The following RBFOX1 variants were observed in gnomAD, a reference collection of about 807,000 sequenced individuals.
RBFOX1 encodes RNA binding protein fox-1 homolog 1.
In RBFOX1, 8 loss-of-function variants were observed where a neutral mutation model predicts 57.7. The ratio of observed to expected loss-of-function variants is 0.14; its 90% confidence interval spans 0.08 to 0.25. The LOEUF is 0.25. Among genes scored for constraint, RBFOX1 ranks in the 10% least tolerant of loss-of-function variants. The pLI is 1.00. For missense variants in RBFOX1, 611 were observed against 548.5 expected (o/e 1.11, Z -1.14); for synonymous variants, 326 against 222.4 (o/e 1.47, Z -4.15).
At chr16:6,118,881 C>G (rs892798072) in intron 1 of RBFOX1, among the ~76,000 whole-genome samples, 2 of 151,902 alleles carry the variant, frequency 1.3e-5, no homozygotes, top group Non-Finnish European at 2.9e-5. Flanking sequence ...GGCTCTTGTC[C>G]CATGACCTAA....
At chr16:7,689,978 G>T (rs1415182913) in intron 14 of RBFOX1, among the ~76,000 whole-genome samples, 1 of 152,042 alleles carries the variant, frequency 6.6e-6, no homozygotes. Flanking sequence ...AGGCAAGCAT[G>T]GTGGCCAAAC....
At chr16:6,761,973 T>A (rs1002705688) in intron 3 of RBFOX1, among the ~76,000 whole-genome samples, 2 of 152,144 alleles carry the variant, frequency 1.3e-5, no homozygotes, top group African/African-American at 4.8e-5. Context: ...AGCCCACTTA[T>A]GCCTGCCTTC....
chr16:5,902,236 A>C (rs1439407018), intron 4 of RBFOX1, among the ~76,000 whole-genome samples: 1 of 152,176 alleles, frequency 6.6e-6, no homozygotes, highest in Non-Finnish European at 1.5e-5. Context: ...CCCATTTTAT[A>C]GATGAGTAAA....
chr16:6,615,897 A>G (rs1201152179), intron 2 of RBFOX1, among the ~76,000 whole-genome samples: 2 of 152,166 alleles, frequency 1.3e-5, no homozygotes, highest in Non-Finnish European at 2.9e-5. Context: ...TGTGATACGC[A>G]TCTCCCCATC....
chr16:6,772,697 G>T (rs1185466168), intron 3 of RBFOX1, among the ~76,000 whole-genome samples: 1 of 150,306 alleles, frequency 6.7e-6, no homozygotes, highest in African/African-American at 2.5e-5. Flanking sequence ...GTATATGTGG[G>T]TGTGGGATGC....
chr16:6,062,872 T>G (rs1187636971), intron 1 of RBFOX1, among the ~76,000 whole-genome samples: 1 of 152,060 alleles, frequency 6.6e-6, no homozygotes, highest in Non-Finnish European at 1.5e-5. Context: ...GATGTTGTAG[T>G]CTTGAGTCTG....
intron 1 of RBFOX1, among the ~76,000 whole-genome samples, chr16:6,311,106 C>A (rs1437181615): frequency 3.3e-5 from 5 of 151,764 alleles, no homozygotes; most frequent in Admixed American, 3.3e-4. Context: ...ACCAGCCTGG[C>A]CGACATGGTG....
chr16:6,056,027 C>G (rs1393815349), intron 1 of RBFOX1, among the ~76,000 whole-genome samples: 2 of 152,128 alleles, frequency 1.3e-5, no homozygotes, highest in African/African-American at 2.4e-5. Context: ...TTTCTTTGCA[C>G]TCAATGAGGG....
chr16:7,157,205 C>T (rs931709834), intron 4 of RBFOX1, among the ~76,000 whole-genome samples: 1 of 152,202 alleles, frequency 6.6e-6, no homozygotes, highest in Non-Finnish European at 1.5e-5. Flanking sequence ...GCTGGAAAGC[C>T]TCTCCTTGTG....
intron 4 of RBFOX1, among the ~76,000 whole-genome samples, chr16:7,452,995 G>A (rs2057685173): frequency 6.6e-6 from 1 of 151,930 alleles, no homozygotes; most frequent in Non-Finnish European, 1.5e-5. Flanking sequence ...AGGGCATGGT[G>A]GTGCATGCCT....
intron 3 of RBFOX1, among the ~76,000 whole-genome samples, chr16:6,980,371 T>A (rs1392115818): frequency 2.6e-5 from 4 of 152,198 alleles, no homozygotes; most frequent in Admixed American, 6.5e-5. Flanking sequence ...TTTCTTTTGT[T>A]TTCTAATCTT....
intron 2 of RBFOX1, among the ~76,000 whole-genome samples, chr16:6,594,076 T>C (rs1391692256): frequency 5.3e-5 from 8 of 152,276 alleles, no homozygotes; most frequent in African/African-American, 1.4e-4. Flanking sequence ...CTTGAGTTCA[T>C]CTATATCCAC....
intron 4 of RBFOX1, among the ~76,000 whole-genome samples, chr16:7,353,598 T>C (rs2097165028): frequency 6.6e-6 from 1 of 152,196 alleles, no homozygotes; most frequent in Admixed American, 6.5e-5. Flanking sequence ...CACGAGATGA[T>C]ATAGCATACA....
intron 4 of RBFOX1, among the ~76,000 whole-genome samples, chr16:7,429,911 C>T (rs1485968724): frequency 1.3e-5 from 2 of 152,162 alleles, no homozygotes; most frequent in African/African-American, 2.4e-5. Context: ...AAACAAAATA[C>T]ACAAAAATCT....
intron 1 of RBFOX1, among the ~76,000 whole-genome samples, chr16:5,421,888 A>T (rs997671164): frequency 6.6e-6 from 1 of 152,182 alleles, no homozygotes; most frequent in Non-Finnish European, 1.5e-5. Flanking sequence ...GTGGTTAGGG[A>T]CATGAAAACC....
intron 14 of RBFOX1, among the ~76,000 whole-genome samples, chr16:7,702,220 G>A (rs535812878): frequency 6.6e-6 from 1 of 152,202 alleles, no homozygotes. Context: ...ATGAAGATAA[G>A]AGACTGATCA....
intron 3 of RBFOX1, among the ~76,000 whole-genome samples, chr16:6,726,198 C>T (rs1403896568): frequency 6.6e-6 from 1 of 152,060 alleles, no homozygotes; most frequent in Non-Finnish European, 1.5e-5. Context: ...CAAGATCTCA[C>T]CCGTTTGCTC....
At chr16:7,469,168 T>A (rs2061088128) in intron 4 of RBFOX1, among the ~76,000 whole-genome samples, 1 of 152,048 alleles carries the variant, frequency 6.6e-6, no homozygotes, top group Non-Finnish European at 1.5e-5. Flanking sequence ...TCTCCTGACC[T>A]CATGATCTAC....
intron 3 of RBFOX1, among the ~76,000 whole-genome samples, chr16:6,726,397 CTTTTTTTT>C (rs5815344): frequency 6.8e-6 from 1 of 146,916 alleles, no homozygotes; most frequent in Non-Finnish European, 1.5e-5. Flanking sequence ...GCTATTTTTT[CTTTTTTTT>C]TTTTTAACTT....
Sources: allele counts gnomAD v4.1 joint callset (sites outside exome capture counted in the v4.1 genomes callset), GRCh38; gene constraint gnomAD v4.1.1; transcripts MANE v1.5; gene names NCBI Gene and HGNC (gene_info 2026-07-23, HGNC 2026-07-21).